The following ACSM3 variants were observed in gnomAD, a reference collection of about 807,000 sequenced individuals.
ACSM3 encodes acyl-CoA synthetase medium chain family member 3, also known as acyl-coenzyme A synthetase ACSM3, mitochondrial.
A neutral mutation model predicts 74.1 loss-of-function variants in ACSM3; 61 were observed. The ratio of observed to expected loss-of-function variants is 0.82; its 90% CI spans 0.67 to 1.02. The LOEUF (loss-of-function observed/expected upper bound fraction) is 1.02. Among genes scored for constraint, ACSM3 ranks in the 50% least tolerant of loss-of-function variants. The pLI, the probability that ACSM3 is intolerant of heterozygous loss-of-function variation, is 0.00. For missense variants in ACSM3, 660 were observed against 697.0 expected, an observed-to-expected ratio of 0.95 and a Z score of 0.60; for synonymous variants, 213 against 241.5, an observed-to-expected ratio of 0.88 and a Z score of 1.09.
chr16:20,761,485 A>T (rs2080076312), upstream of ACSM3, among the ~76,000 whole-genome samples: 1 of 152,182 alleles, frequency 6.6e-6, no homozygotes, highest in African/African-American at 2.4e-5. Context: ...GTGTTGAACT[A>T]AGTAGGACAT....
chr16:20,687,639 A>C (rs1259313097), intron 1 of ACSM3, among the ~76,000 whole-genome samples: 2 of 152,218 alleles, frequency 1.3e-5, no homozygotes, highest in African/African-American at 4.8e-5. Context: ...AAATAAACAC[A>C]GGATTCAGCT....
chr16:20,695,862 ACTAT>A (rs1176185602), intron 1 of ACSM3, among the ~76,000 whole-genome samples: 11 of 152,150 alleles, frequency 7.2e-5, no homozygotes, highest in African/African-American at 1.9e-4. Context: ...TACCTATATC[ACTAT>A]CTGTGTATAT....
intron 1 of ACSM3, chr16:20,691,318 G>T: frequency 2.7e-6 from 2 of 727,862 alleles, no homozygotes; most frequent in Non-Finnish European, 4.4e-6. Flanking sequence ...TTGGTTAATT[G>T]CTACAGTTAT....
chr16:20,712,054 C>T (rs1006264102), intron 1 of ACSM3, among the ~76,000 whole-genome samples: 1 of 152,060 alleles, frequency 6.6e-6, no homozygotes, highest in African/African-American at 2.4e-5. Flanking sequence ...TCCTTCTTGT[C>T]AAATTTTGGC....
chr16:20,777,722 G>A (rs997407980), intron 4 of ACSM3, 142 bp downstream of exon 4: 1 of 739,450 alleles, frequency 1.4e-6, no homozygotes, highest in Admixed American at 2.8e-5. Context: ...TGCACTAATA[G>A]TGCTAAACTC....
At chr16:20,741,853 G>C (rs1457648026) in intron 1 of ACSM3, 1 of 1,536,020 alleles carries the variant, frequency 6.5e-7, no homozygotes, top group Non-Finnish European at 8.7e-7. Flanking sequence ...CCCCTAGCCG[G>C]CCTCGAAGCC....
Position 20,781,874 on chromosome 16 carries a change from G to C in ACSM3, c.1019+87G>C, listed in dbSNP as rs1596524398. 8.8e-6 allele frequency: 9 copies of C among 1,020,700 alleles called. No homozygotes were observed. The Admixed American group carries it at 1.9e-4, about 21-fold the overall frequency. The allele number at this position is 1,020,700 out of a possible 1,614,324, so 63.2% of individuals were successfully genotyped here. A position where few individuals can be genotyped will look rare whatever the true frequency, so the allele number is the denominator to read the frequency against. ...AAAAGATCTTTCTGCCTGAAACATA[G>C]CTCCAAGCCAGTAGACACAGGATTT... On this transcript the variant is annotated intron_variant, in intron 7 of 13. Coordinates refer to ENST00000289416, the MANE Select transcript of ACSM3 (RefSeq NM_005622.4).
At chr16:20,722,261 G>A (rs1302377669) in intron 1 of ACSM3, 1 of 152,214 alleles carries the variant, frequency 6.6e-6, no homozygotes, top group East Asian at 1.9e-4. Context: ...GGGCTGTTGT[G>A]ATAGTGGAAG....
intron 1 of ACSM3, among the ~76,000 whole-genome samples, chr16:20,767,074 G>C (rs990687859): frequency 1.3e-5 from 2 of 151,860 alleles, no homozygotes; most frequent in Non-Finnish European, 2.9e-5. Context: ...GTTTTTTTGA[G>C]CCATTTGAAG....
At chr16:20,722,185 TG>T (rs2079788169) in intron 1 of ACSM3, 1 of 152,188 alleles carries the variant, frequency 6.6e-6, no homozygotes, top group African/African-American at 2.4e-5. Context: ...TTTACATAAT[TG>T]GGGTATGAGC....
intron 12 of ACSM3, among the ~76,000 whole-genome samples, chr16:20,793,840 A>G (rs779342546): frequency 1.3e-5 from 2 of 152,082 alleles, no homozygotes; most frequent in Non-Finnish European, 2.9e-5. Context: ...CATCAGTTTT[A>G]CCCACCTAGA....
In ACSM3 at chr16:20,777,611, T is replaced by A. The variant is rs372093711; in HGVS notation, c.638+31T>A. The A allele has an allele frequency of 6.4e-6, 10 of 1,574,082 alleles. No homozygotes were observed. The African/African-American group carries it at 1.1e-4, about 17-fold the overall frequency. ...TAGCCACACTTGTTGTAAAACAGCT[T>A]CCCAAAAGGAAAGGCAACAATAAAA... On this transcript the variant is annotated intron_variant, in intron 4 of 13. Transcript: ENST00000289416.
rs143213955 is a variant in ACSM3, at chr16:20,777,546, A to G, written c.604A>G (p.Arg202Gly). 4.3e-6 allele frequency: 7 copies of G among 1,614,122 alleles called. 1 individual carries two copies. The African/African-American group carries it at 5.3e-5, about 12-fold the overall frequency. Reference sequence around the variant, plus strand: ...CAAGCTGATTGTATCAGAGAACTCCAGAGAGGGGTGGGGGAACCTCAAGGA... The same window carrying G: ...CAAGCTGATTGTATCAGAGAACTCCGGAGAGGGGTGGGGGAACCTCAAGGA... ...HSKLIVSENSREGWGNLKELM... is the reference protein window; with the variant it reads ...HSKLIVSENSGEGWGNLKELM... Residue 202 changes from arginine to glycine, a missense_variant, in exon 4 of 14, where the codon AGA (arginine) becomes GGA (glycine). Physicochemically the swap from Arg to Gly is moderately radical, Grantham distance 125. Coordinates refer to ENST00000289416, the MANE Select transcript of ACSM3 (RefSeq NM_005622.4).
At position 20,790,863 on chromosome 16, in the gene ACSM3, G is replaced by A. The variant is rs17850670; in HGVS notation, c.1326+175G>A. On this transcript the variant is annotated intron_variant, in intron 10 of 13. Coordinates refer to ENST00000289416, the MANE Select transcript of ACSM3 (RefSeq NM_005622.4). The surrounding 1 kb of genome is among the most constrained non-coding windows in gnomAD (Gnocchi z 4.0). ...TTGAAGAAATACCCAAATTCTTGCTGAAGAAAAGCATGCTGGTCCCCTGAG... is the reference window on the plus strand; with the variant it reads ...TTGAAGAAATACCCAAATTCTTGCTAAAGAAAAGCATGCTGGTCCCCTGAG... 6.2e-7 allele frequency: 1 copy of A among 1,614,044 alleles called. No homozygotes were observed. The highest frequency in any genetic ancestry group is 8.5e-7 in the Non-Finnish European group (1 of 1,179,946).
chr16:20,735,067 A>C (rs1265792483), intron 1 of ACSM3: 1 of 152,246 alleles, frequency 6.6e-6, no homozygotes, highest in African/African-American at 2.4e-5. Context: ...TCCTCTGGCA[A>C]GGTGGCAAGT....
intron 8 of ACSM3, 65 bp from the exon 9 acceptor site, chr16:20,786,013 C>A: frequency 9.0e-7 from 1 of 1,110,792 alleles, no homozygotes; most frequent in Non-Finnish European, 1.3e-6. Flanking sequence ...TGAATGAATG[C>A]ATGATAGATG....
chr16:20,744,787 T>C (rs1357351913), intron 1 of ACSM3, among the ~76,000 whole-genome samples: 1 of 152,256 alleles, frequency 6.6e-6, no homozygotes, highest in Non-Finnish European at 1.5e-5. Context: ...TGTCCATAAA[T>C]CATCTCTGAC....
chr16:20,737,319 G>A (rs372213587), intron 1 of ACSM3: 2 of 1,571,382 alleles, frequency 1.3e-6, no homozygotes, highest in African/African-American at 2.7e-5. Flanking sequence ...CATAGCTGAG[G>A]AGGATACCAT....
chr16:20,785,255 A>T, intron 8 of ACSM3, 148 bp downstream of exon 8: 1 of 1,088,708 alleles, frequency 9.2e-7, no homozygotes, highest in Non-Finnish European at 1.3e-6. Context: ...GCAAGAACCT[A>T]ATTGCAAAAA....
Sources: allele counts gnomAD v4.1 joint callset (sites outside exome capture counted in the v4.1 genomes callset), GRCh38; gene constraint gnomAD v4.1.1; non-coding constraint Gnocchi (gnomAD v3.1); transcripts MANE v1.5; gene names NCBI Gene and HGNC (gene_info 2026-07-23, HGNC 2026-07-21).